Variants in MBOAT2 observed in about 807,000 individuals in gnomAD.
MBOAT2 encodes membrane-bound glycerophospholipid O-acyltransferase 2.
In MBOAT2, 28 loss-of-function variants were observed where a neutral mutation model predicts 63.4. That is an observed-to-expected ratio of 0.44 (90% CI 0.33 to 0.61). The LOEUF is 0.61. Ranked by LOEUF, MBOAT2 falls within the 20% of genes least tolerant of loss-of-function variation. The probability of loss-of-function intolerance (pLI) is 0.03; values close to 1 mark genes in which losing one functional copy is unlikely to be tolerated. For synonymous variants in MBOAT2, 211 were observed against 215.6 expected (o/e 0.98, Z 0.19); for missense variants, 470 against 605.8 (o/e 0.78, Z 2.35).
intron 9 of MBOAT2, among the ~76,000 whole-genome samples, chr2:8,864,811 GA>G: frequency 6.6e-6 from 1 of 152,250 alleles, no homozygotes; most frequent in South Asian, 2.1e-4. Context: ...TTTGATCTCA[GA>G]GGGGGCCTTT....
At chr2:8,977,072 G>T (rs1646883646) in intron 1 of MBOAT2, among the ~76,000 whole-genome samples, 1 of 152,094 alleles carries the variant, frequency 6.6e-6, no homozygotes, top group South Asian at 2.1e-4. Context: ...GTACTGAAGG[G>T]CACAAGGAAA....
chr2:8,864,029 C>A, intron 10 of MBOAT2, 141 bp downstream of exon 10: 2 of 585,192 alleles, frequency 3.4e-6, no homozygotes, highest in South Asian at 5.8e-5. Context: ...TAGGAGGAGG[C>A]TAACAGTGTT....
chr2:8,979,702 TA>T (rs1392308728), intron 1 of MBOAT2, among the ~76,000 whole-genome samples: 1 of 152,150 alleles, frequency 6.6e-6, no homozygotes, highest in Non-Finnish European at 1.5e-5. Flanking sequence ...AGCATGAGTT[TA>T]ACAGCAATTC....
chr2:8,902,999 G>C (rs951381651), intron 4 of MBOAT2, among the ~76,000 whole-genome samples: 1 of 152,120 alleles, frequency 6.6e-6, no homozygotes, highest in African/African-American at 2.4e-5. Flanking sequence ...GTTTTATAGA[G>C]TGCTGATTGG....
At chr2:8,962,235 C>T (rs1669659585) in intron 1 of MBOAT2, among the ~76,000 whole-genome samples, 1 of 152,098 alleles carries the variant, frequency 6.6e-6, no homozygotes, top group Non-Finnish European at 1.5e-5. Context: ...TAGTGTAACT[C>T]GTTACAAATC....
intron 4 of MBOAT2, among the ~76,000 whole-genome samples, chr2:8,900,248 T>C (rs940655222): frequency 3.9e-5 from 6 of 152,224 alleles, no homozygotes; most frequent in African/African-American, 1.4e-4. Flanking sequence ...AGTAGGGAAT[T>C]TGTCCCTTTC....
chr2:8,921,044 A>C (rs776436940), intron 3 of MBOAT2, among the ~76,000 whole-genome samples: 5 of 152,148 alleles, frequency 3.3e-5, no homozygotes, highest in Non-Finnish European at 7.4e-5. Flanking sequence ...TTTTTAATCC[A>C]GTCTGACAAC....
At chr2:8,926,556 G>C (rs1483603399) in intron 3 of MBOAT2, among the ~76,000 whole-genome samples, 1 of 152,206 alleles carries the variant, frequency 6.6e-6, no homozygotes, top group Non-Finnish European at 1.5e-5. Context: ...AGTAGAGCAT[G>C]TGTGCACTAC....
intron 2 of MBOAT2, among the ~76,000 whole-genome samples, chr2:8,944,062 A>G (rs1668242112): frequency 6.6e-6 from 1 of 152,078 alleles, no homozygotes; most frequent in Admixed American, 6.6e-5. Flanking sequence ...ACAGGGTTTC[A>G]CTATGTTGGC....
At chr2:9,000,862 T>TA (rs1357140141) in intron 1 of MBOAT2, among the ~76,000 whole-genome samples, 2 of 152,224 alleles carry the variant, frequency 1.3e-5, no homozygotes, top group East Asian at 3.8e-4. Flanking sequence ...CTTTTTTACT[T>TA]TATTAAGTTT....
At chr2:8,979,195 C>T (rs1440601315) in intron 1 of MBOAT2, among the ~76,000 whole-genome samples, 1 of 152,074 alleles carries the variant, frequency 6.6e-6, no homozygotes, top group Non-Finnish European at 1.5e-5. Context: ...AAATAGTACA[C>T]TTTTCAAGAA....
At chr2:8,861,788 C>T (rs1661517935) in intron 11 of MBOAT2, among the ~76,000 whole-genome samples, 1 of 152,202 alleles carries the variant, frequency 6.6e-6, no homozygotes, top group South Asian at 2.1e-4. Context: ...CAGAATCTGT[C>T]TTATGCACAC....
chr2:8,912,341 AAGAAAG>A (rs1463466416), intron 3 of MBOAT2, among the ~76,000 whole-genome samples: 1 of 96,762 alleles, frequency 1.0e-5, no homozygotes, highest in African/African-American at 4.0e-5. Context: ...GAAAGAAAGA[AAGAAAG>A]AAAGAGAAAG....
At chr2:8,914,166 G>A (rs1479984539) in intron 3 of MBOAT2, among the ~76,000 whole-genome samples, 1 of 152,166 alleles carries the variant, frequency 6.6e-6, no homozygotes, top group Non-Finnish European at 1.5e-5. Flanking sequence ...GGGGACTTGG[G>A]AGGAAGAGTG....
chr2:9,000,860 CTTTAT>C (rs886572365), intron 1 of MBOAT2, among the ~76,000 whole-genome samples: 1 of 152,146 alleles, frequency 6.6e-6, no homozygotes, highest in Non-Finnish European at 1.5e-5. Flanking sequence ...AACTTTTTTA[CTTTAT>C]TAAGTTTTTA....
intron 3 of MBOAT2, among the ~76,000 whole-genome samples, chr2:8,928,154 G>A (rs904494043): frequency 2.0e-5 from 3 of 152,192 alleles, no homozygotes; most frequent in South Asian, 4.2e-4. Flanking sequence ...ACCTGCCCCC[G>A]ATCCAATCAT....
At chr2:8,892,681 C>G (rs757339598) in intron 4 of MBOAT2, among the ~76,000 whole-genome samples, 21 of 152,078 alleles carry the variant, frequency 1.4e-4, no homozygotes, top group Admixed American at 4.6e-4. Context: ...GGTAAGGGGC[C>G]TAAGGAATAC....
chr2:8,997,825 T>C (rs1672414068), intron 1 of MBOAT2, among the ~76,000 whole-genome samples: 1 of 152,182 alleles, frequency 6.6e-6, no homozygotes, highest in South Asian at 2.1e-4. Context: ...AACCTAATCA[T>C]GCCATTTCCA....
intron 1 of MBOAT2, among the ~76,000 whole-genome samples, chr2:8,965,592 TTGTATATTTTCTCCAGCTTTATA>T (rs1370596759): frequency 9.8e-5 from 15 of 152,324 alleles, no homozygotes; most frequent in South Asian, 2.1e-4. Flanking sequence ...CCACAAAAGA[TTGTATATTTTCTCCAGCTTTATA>T]TGTATATTTT....
Sources: allele counts gnomAD v4.1 joint callset (sites outside exome capture counted in the v4.1 genomes callset), GRCh38; gene constraint gnomAD v4.1.1; transcripts MANE v1.5; gene names NCBI Gene and HGNC (gene_info 2026-07-23, HGNC 2026-07-21).